PCDHAC2: variants seen among roughly 807,000 people sequenced by gnomAD.
PCDHAC2 encodes protocadherin alpha-C2.
Under a neutral mutation model 63.3 loss-of-function variants are expected in PCDHAC2, and 24 were observed. The observed-to-expected ratio is 0.38, with a 90% CI of 0.27 to 0.53. The LOEUF is 0.53. Among genes scored for constraint, PCDHAC2 ranks in the 20% least tolerant of loss-of-function variants. The pLI is 0.81. For missense variants in PCDHAC2, 1,181 were observed against 1,275.2 expected, an observed-to-expected ratio of 0.93 and a Z score of 1.12; for synonymous variants, 569 against 529.4, an observed-to-expected ratio of 1.07 and a Z score of -1.03.
rs1554262627 is a variant in PCDHAC2 at position 141,009,982 on chromosome 5, T to C, written c.*45T>C. On this transcript the variant is annotated 3_prime_UTR_variant, in exon 4 of 4. Transcript: ENST00000289269. ...GCCACTTAGCCAGTTTTTGTAATAA[T>C]GGCAAATCTCTCCCATGTAGCAATT... 1 of 1,582,572 alleles carries C rather than the reference T, an allele frequency of 6.3e-7. No homozygotes were observed. Among genetic ancestry groups the C allele is most frequent in the East Asian group, 2.2e-5 (1 of 44,666 alleles).
At chr5:141,000,595 T>G (rs1438785385) in intron 3 of PCDHAC2, among the ~76,000 whole-genome samples, 1 of 150,924 alleles carries the variant, frequency 6.6e-6, no homozygotes, top group African/African-American at 2.4e-5. Context: ...GCCCAGCTAA[T>G]TTTTGTATTT....
intron 3 of PCDHAC2, among the ~76,000 whole-genome samples, chr5:141,002,161 G>T (rs1554258540): frequency 6.6e-6 from 1 of 152,208 alleles, no homozygotes; most frequent in Non-Finnish European, 1.5e-5. Flanking sequence ...CAGAGTGGGC[G>T]GTAGGCAGGC....
At chr5:140,970,909 A>G (rs1356718314) in intron 1 of PCDHAC2, among the ~76,000 whole-genome samples, 1 of 152,180 alleles carries the variant, frequency 6.6e-6, no homozygotes, top group African/African-American at 2.4e-5. Context: ...AGATTTATTC[A>G]TTTATCAGAA....
rs1207145020 is a variant in PCDHAC2, at chr5:140,966,511, A to G, written c.-256A>G. On this transcript the variant is annotated 5_prime_UTR_variant, in exon 1 of 4. Coordinates refer to ENST00000289269, the MANE Select transcript of PCDHAC2 (RefSeq NM_018899.6). ...CCCCTGGAGCTGTAGCGGCAGCAGC[A>G]GCAGGAAGCCGAGCCGGGTTGAGCG... The G allele has an allele frequency of 7.1e-5, 31 of 433,774 alleles. No homozygotes were observed. In the East Asian group the frequency reaches 1.1e-3, roughly 15 times the overall value. 26.9% of individuals were successfully genotyped at this position (433,774 alleles called of 1,614,324 possible). A position where few individuals can be genotyped will look rare whatever the true frequency, so the allele number is the denominator to read the frequency against.
chr5:140,996,301 AC>A (rs1306218777), intron 3 of PCDHAC2, among the ~76,000 whole-genome samples: 1 of 152,240 alleles, frequency 6.6e-6, no homozygotes, highest in African/African-American at 2.4e-5. Context: ...ACAGATTGTA[AC>A]AAAGTAAGGG....
At chr5:140,982,617 G>T in intron 3 of PCDHAC2, 54 bp downstream of exon 3, 1 of 1,591,926 alleles carries the variant, frequency 6.3e-7, no homozygotes, top group South Asian at 1.1e-5. Context: ...GTGATCAGAT[G>T]ACCTACTTTT....
chr5:141,000,304 G>A (rs1225893261), intron 3 of PCDHAC2, among the ~76,000 whole-genome samples: 1 of 147,530 alleles, frequency 6.8e-6, no homozygotes, highest in Non-Finnish European at 1.5e-5. Context: ...GAGGCCAGGA[G>A]TTCAAGACCA....
intron 3 of PCDHAC2, among the ~76,000 whole-genome samples, chr5:140,989,765 C>T (rs2097359812): frequency 6.6e-6 from 1 of 152,166 alleles, no homozygotes; most frequent in South Asian, 2.1e-4. Context: ...ATATTCAGTT[C>T]AAGCACTGGC....
intron 3 of PCDHAC2, among the ~76,000 whole-genome samples, chr5:140,993,460 T>TCACACACACA (rs1554253699): frequency 5.7e-5 from 6 of 104,506 alleles, no homozygotes; most frequent in African/African-American, 7.8e-5. Flanking sequence ...CTTCTTTCTT[T>TCACACACACA]CTCACACACA....
intron 3 of PCDHAC2, among the ~76,000 whole-genome samples, chr5:141,008,578 C>T (rs1185736158): frequency 6.6e-6 from 1 of 152,202 alleles, no homozygotes; most frequent in Non-Finnish European, 1.5e-5. Context: ...TTTCCCAAGA[C>T]TCAGGGCAGA....
intron 3 of PCDHAC2, among the ~76,000 whole-genome samples, chr5:141,004,093 C>T (rs1016954345): frequency 1.3e-5 from 2 of 152,164 alleles, no homozygotes; most frequent in African/African-American, 4.8e-5. Flanking sequence ...GTGCTTCTTC[C>T]GTTTTCATCT....
At chr5:140,994,753 G>T (rs143791883) in intron 3 of PCDHAC2, among the ~76,000 whole-genome samples, 6 of 152,252 alleles carry the variant, frequency 3.9e-5, no homozygotes, top group Non-Finnish European at 7.3e-5. Context: ...AGTAGGATGT[G>T]GAGAGGAAGA....
rs190030565 is a variant in PCDHAC2, at chr5:140,999,153, C to T, written c.2714-10474C>T. Among the ~76,000 whole-genome samples, 42 of 152,242 alleles carry T rather than the reference C, an allele frequency of 2.8e-4. 1 individual carries two copies. In the East Asian group the frequency reaches 5.2e-3, roughly 19 times the overall value. Reference sequence around the variant, plus strand: ...AATGTCACAGCCGGAAGTCTTCAGTCCCCTAGAAGGAAAAGAGCCTGATGG... The same window carrying T: ...AATGTCACAGCCGGAAGTCTTCAGTTCCCTAGAAGGAAAAGAGCCTGATGG... On this transcript the variant is annotated intron_variant, in intron 3 of 3. Coordinates refer to ENST00000289269, the MANE Select transcript of PCDHAC2 (RefSeq NM_018899.6).
intron 3 of PCDHAC2, among the ~76,000 whole-genome samples, chr5:141,007,767 G>T (rs1322859075): frequency 6.6e-6 from 1 of 152,142 alleles, no homozygotes; most frequent in African/African-American, 2.4e-5. Context: ...TATTGGCCTG[G>T]AAATGGTACT....
intron 3 of PCDHAC2, among the ~76,000 whole-genome samples, chr5:140,983,631 C>T (rs1336337529): frequency 2.0e-5 from 3 of 152,134 alleles, no homozygotes; most frequent in African/African-American, 7.2e-5. Context: ...AAGAAATGTA[C>T]CCAAGTTCAC....
Position 140,968,697 on chromosome 5 carries a change from C to G in PCDHAC2, c.1931C>G (p.Thr644Ser). The change falls in exon 1 of 4, where the codon ACT becomes AGT. Residue 644 changes from threonine to serine, a missense_variant. This residue lies in a region of PCDHAC2 where 968 missense variants were observed against 1,073.5 expected (regional missense o/e 0.90). Transcript: ENST00000289269. ...GAGCTGCACACAGGAGAAATTAGGA[C>G]TACCAGGAAGATGGGAGATGAGAGT... is the stretch of plus-strand genomic sequence containing the variant. Reference protein sequence around the residue: ...KVELHTGEIRTTRKMGDESGS... With the variant: ...KVELHTGEIRSTRKMGDESGS... The G allele has an allele frequency of 1.2e-6, 2 of 1,614,144 alleles. No homozygotes were observed. Among genetic ancestry groups the G allele is most frequent in the South Asian group, 2.2e-5 (2 of 91,080 alleles).
chr5:140,967,750 C>G lies in PCDHAC2; in HGVS notation c.984C>G (p.Ala328=), dbSNP rs782284231. ...RVIGGLDYEE[A]SSYQIYVQAT... is the part of the protein sequence containing the mutation. ...TTGGGGGGCTGGATTATGAGGAAGC[C>G]TCCTCCTACCAGATCTATGTGCAGG... The change falls in exon 1 of 4, where the codon GCC becomes GCG. Residue 328 remains alanine (A), a synonymous_variant. Coordinates refer to ENST00000289269, the MANE Select transcript of PCDHAC2 (RefSeq NM_018899.6). The G allele has an allele frequency of 6.2e-7, 1 of 1,614,190 alleles. No individual in the cohort carries two copies. The highest frequency in any genetic ancestry group is 1.1e-5 in the South Asian group (1 of 91,088).
intron 3 of PCDHAC2, among the ~76,000 whole-genome samples, chr5:141,002,939 A>G (rs2098103546): frequency 6.6e-6 from 1 of 152,238 alleles, no homozygotes; most frequent in Admixed American, 6.5e-5. Context: ...AACACCCTCC[A>G]GCACATGCCC....
chr5:140,996,141 A>G (rs1238682290), intron 3 of PCDHAC2, among the ~76,000 whole-genome samples: 1 of 152,182 alleles, frequency 6.6e-6, no homozygotes, highest in Admixed American at 6.5e-5. Context: ...TTCTCCCATT[A>G]TCTTGCCTTC....
Sources: allele counts gnomAD v4.1 joint callset (sites outside exome capture counted in the v4.1 genomes callset), GRCh38; gene constraint gnomAD v4.1.1; regional missense constraint gnomAD v4.1.1; transcripts MANE v1.5; gene names NCBI Gene and HGNC (gene_info 2026-07-23, HGNC 2026-07-21).